LRRFIP2: variants seen among roughly 807,000 people sequenced by gnomAD.
LRRFIP2 encodes leucine-rich repeat flightless-interacting protein 2.
In LRRFIP2, 109 loss-of-function variants were observed where a neutral mutation model predicts 125.9. The ratio of observed to expected loss-of-function variants is 0.87; its 90% CI spans 0.74 to 1.01. The LOEUF (loss-of-function observed/expected upper bound fraction) is 1.01. LRRFIP2 is among the 50% of genes least tolerant of loss of function. The probability of loss-of-function intolerance (pLI) is 0.00; values close to 1 mark genes in which losing one functional copy is unlikely to be tolerated. For synonymous variants in LRRFIP2, 291 were observed against 293.1 expected (o/e 0.99, Z 0.07); for missense variants, 850 against 862.3 (o/e 0.99, Z 0.18).
Position 37,073,455 on chromosome 3 carries a change from G to T in LRRFIP2, c.1372-573C>A, listed in dbSNP as rs559168649. ...ATCCTTAAATGACCTTTCTAATTAG[G>T]CAATGGTGCTTAACAGGTTTTCTTC... On this transcript the variant is annotated intron_variant, in intron 20 of 27. Coordinates refer to ENST00000336686, the MANE Select transcript of LRRFIP2 (RefSeq NM_006309.4). 2.0e-5 allele frequency among the ~76,000 whole-genome samples: 3 copies of T among 152,012 alleles called. No homozygotes were observed. The South Asian group carries it at 6.2e-4, about 32-fold the overall frequency.
chr3:37,112,968 T>A lies in LRRFIP2; in HGVS notation c.385A>T (p.Ser129Cys). ...CTCTTCTTCATTCCATGAGAGTGAC[T>A]GTAAGAATGATTCTGGAAGTAAATA... ...SRLSSLNHSY[S>C]HSHGMKKRSS... The change falls in exon 8 of 28, where the codon AGT becomes TGT. Residue 129 changes from serine to cysteine, a missense_variant. Ser to Cys is a moderately radical substitution (Grantham distance 112, BLOSUM62 -1). Transcript: ENST00000336686. 5.1e-6 allele frequency: 8 copies of A among 1,575,480 alleles called. No individual in the cohort carries two copies. Among genetic ancestry groups the A allele is most frequent in the Non-Finnish European group, 7.0e-6 (8 of 1,149,996 alleles).
At chr3:37,090,218 T>TTTTGTTTG (rs111504404) in intron 18 of LRRFIP2, among the ~76,000 whole-genome samples, 47,248 of 150,922 alleles carry the variant, frequency 0.31, 8,254 homozygotes, top group Non-Finnish European at 0.39. Flanking sequence ...ATTTTACTTT[T>TTTTGTTTG]TTTGTTTGTT....
chr3:37,115,171 AG>A (rs1230036687), intron 6 of LRRFIP2, 76 bp from the exon 7 acceptor site: 1 of 1,018,280 alleles, frequency 9.8e-7, no homozygotes, highest in Non-Finnish European at 1.5e-6. Context: ...GTAATATTTG[AG>A]GTTATTTTAA....
intron 25 of LRRFIP2, among the ~76,000 whole-genome samples, chr3:37,058,519 T>TA (rs1231709826): frequency 1.3e-5 from 2 of 151,578 alleles, no homozygotes; most frequent in African/African-American, 2.4e-5. Context: ...GCTAAAAACA[T>TA]AAAAAACTAG....
intron 23 of LRRFIP2, chr3:37,065,515 C>T (rs1575917256): frequency 1.9e-6 from 1 of 534,620 alleles, no homozygotes; most frequent in East Asian, 4.7e-5. Context: ...GTATACTAGA[C>T]TATCTCTTTG....
chr3:37,068,161 A>C (rs1329390549), intron 21 of LRRFIP2: 1 of 152,236 alleles, frequency 6.6e-6, no homozygotes, highest in African/African-American at 2.4e-5. Flanking sequence ...TGGGAAAACA[A>C]AGCACAACAA....
intron 18 of LRRFIP2, among the ~76,000 whole-genome samples, chr3:37,089,051 C>T (rs896432878): frequency 6.6e-6 from 1 of 151,994 alleles, no homozygotes; most frequent in Non-Finnish European, 1.5e-5. Flanking sequence ...ATATACTCTA[C>T]ATTTTGTTCT....
intron 20 of LRRFIP2, 84 bp downstream of exon 20, chr3:37,074,940 A>T (rs2091812811): frequency 7.9e-5 from 64 of 808,476 alleles, no homozygotes; most frequent in Non-Finnish European, 1.1e-4. Context: ...ATGCATCTTA[A>T]CTCTCCTTCC....
chr3:37,120,255 C>A (rs541320485), intron 6 of LRRFIP2, among the ~76,000 whole-genome samples: 54 of 151,546 alleles, frequency 3.6e-4, no homozygotes, highest in Admixed American at 1.3e-4. Flanking sequence ...TACAGGCATG[C>A]GCCACCACAC....
At chr3:37,158,605 CAAA>C (rs11423668) in intron 1 of LRRFIP2, among the ~76,000 whole-genome samples, 2 of 126,866 alleles carry the variant, frequency 1.6e-5, no homozygotes, top group Admixed American at 8.0e-5. Context: ...AGACTCCTCT[CAAA>C]AAAAAAAAAA....
chr3:37,153,405 A>C, intron 1 of LRRFIP2, among the ~76,000 whole-genome samples: 1 of 152,072 alleles, frequency 6.6e-6, no homozygotes, highest in Non-Finnish European at 1.5e-5. Flanking sequence ...ATAAATAAAA[A>C]TAAAAACATT....
chr3:37,162,658 T>C (rs1044226967), intron 1 of LRRFIP2, among the ~76,000 whole-genome samples: 9 of 152,074 alleles, frequency 5.9e-5, no homozygotes, highest in Non-Finnish European at 1.0e-4. Context: ...AAACTTAGCA[T>C]ACAGGAAATA....
intron 1 of LRRFIP2, among the ~76,000 whole-genome samples, chr3:37,157,330 C>A (rs1196381149): frequency 6.6e-6 from 1 of 152,162 alleles, no homozygotes; most frequent in Non-Finnish European, 1.5e-5. Context: ...ATAGTCCCAA[C>A]TACTTGGAAG....
intron 2 of LRRFIP2, among the ~76,000 whole-genome samples, chr3:37,131,355 T>C (rs1434823505): frequency 6.6e-6 from 1 of 152,184 alleles, no homozygotes; most frequent in African/African-American, 2.4e-5. Context: ...TCTATACCCA[T>C]GTCTCTATTG....
rs6791267 is a variant in LRRFIP2, at chr3:37,064,062, G to A, written c.1700-271C>T. 5.6e-3 allele frequency: 2,173 copies of A among 388,926 alleles called. 28 individuals are homozygous for A. Among genetic ancestry groups the A allele is most frequent in the African/African-American group, 0.04 (1,953 of 48,646 alleles). 24.1% of individuals were successfully genotyped at this position (388,926 alleles called of 1,614,324 possible). On this transcript the variant is annotated intron_variant, in intron 23 of 27. Transcript: ENST00000336686. ...ATTTGCCACTTAAAGACAAACAGAA[G>A]TACAAAGGAGGTCATTTCCTTGTTT...
chr3:37,157,305 T>C (rs962926460), intron 1 of LRRFIP2, among the ~76,000 whole-genome samples: 2 of 152,130 alleles, frequency 1.3e-5, no homozygotes, highest in African/African-American at 2.4e-5. Context: ...TAACCAGGCA[T>C]GGTGGCACAC....
chr3:37,064,412 T>G (rs1434363795), intron 23 of LRRFIP2: 1 of 152,090 alleles, frequency 6.6e-6, no homozygotes, highest in Non-Finnish European at 1.5e-5. Flanking sequence ...GCCAAAATGG[T>G]GAAACCACGT....
intron 20 of LRRFIP2, 97 bp from the exon 21 acceptor site, chr3:37,072,979 T>C: frequency 1.3e-6 from 1 of 761,366 alleles, no homozygotes. Context: ...ATAAAGAAAC[T>C]TAACCAAAAG....
chr3:37,071,905 C>G (rs1212196532), intron 21 of LRRFIP2, among the ~76,000 whole-genome samples: 1 of 152,120 alleles, frequency 6.6e-6, no homozygotes, highest in East Asian at 1.9e-4. Context: ...TTTTGGTGTA[C>G]ATGGAATCTA....
Sources: allele counts gnomAD v4.1 joint callset (sites outside exome capture counted in the v4.1 genomes callset), GRCh38; gene constraint gnomAD v4.1.1; transcripts MANE v1.5; gene names NCBI Gene and HGNC (gene_info 2026-07-23, HGNC 2026-07-21).